Variants in YAE1 observed in about 807,000 individuals in gnomAD.
YAE1 encodes YAE1 maturation factor of ABCE1.
YAE1 carries 22 observed loss-of-function variants against 23.0 expected under a neutral mutation model. The ratio of observed to expected loss-of-function variants is 0.96; its 90% CI spans 0.68 to 1.37. The LOEUF (loss-of-function observed/expected upper bound fraction) is 1.37, where lower values mean the gene tolerates loss of function less well. Ranked by LOEUF, YAE1 falls within the 40% of genes most tolerant of loss-of-function variation. The pLI is 0.00. For missense variants in YAE1, 260 were observed against 262.1 expected, an observed-to-expected ratio of 0.99 and a Z score of 0.06; for synonymous variants, 101 against 97.0, an observed-to-expected ratio of 1.04 and a Z score of -0.24.
chr7:39,599,881 G>T (rs181726658), intron 2 of YAE1, among the ~76,000 whole-genome samples: 3 of 152,120 alleles, frequency 2.0e-5, no homozygotes, highest in African/African-American at 4.8e-5. Context: ...CAGCCACCGT[G>T]CCCGGCCTGA....
At chr7:39,609,939 C>T (rs1346566008) in exon 3 of YAE1, 2 of 1,523,058 alleles carry the variant, frequency 1.3e-6, no homozygotes, top group African/African-American at 1.4e-5. Flanking sequence ...CTCCGAAACA[C>T]ATTTTTCAAC....
downstream of YAE1, among the ~76,000 whole-genome samples, chr7:39,611,734 G>T (rs1379306241): frequency 6.6e-6 from 1 of 152,052 alleles, no homozygotes; most frequent in Non-Finnish European, 1.5e-5. Flanking sequence ...ACCATGATTT[G>T]TTCAGGACCA....
chr7:39,575,559 AGAGAGAGAGAGAGAGAGAGTGAGT>A (rs997464251), downstream of YAE1, among the ~76,000 whole-genome samples: 9 of 112,334 alleles, frequency 8.0e-5, no homozygotes, highest in African/African-American at 1.9e-4. Flanking sequence ...AGAGAGAGAG[AGAGAGAGAGAGAGAGAGAGTGAGT>A]GTGTGTGTGT....
intron 2 of YAE1, among the ~76,000 whole-genome samples, chr7:39,595,033 TTAGAGA>T (rs1429834127): frequency 6.6e-6 from 1 of 152,188 alleles, no homozygotes; most frequent in Non-Finnish European, 1.5e-5. Context: ...TTTTAATCTT[TTAGAGA>T]TAAACTTTTT....
intron 2 of YAE1, among the ~76,000 whole-genome samples, chr7:39,582,245 C>T (rs1790754203): frequency 2.0e-5 from 3 of 151,604 alleles, no homozygotes; most frequent in African/African-American, 7.3e-5. Flanking sequence ...GTTGCCTGGG[C>T]TAGTCTAGAA....
chr7:39,596,247 C>T (rs1292800213), intron 2 of YAE1, among the ~76,000 whole-genome samples: 4 of 151,938 alleles, frequency 2.6e-5, no homozygotes, highest in South Asian at 2.1e-4. Context: ...CAGGCTGGGG[C>T]GCAATGGCGT....
chr7:39,586,303 G>T (rs1037796405), intron 2 of YAE1, among the ~76,000 whole-genome samples: 2 of 150,872 alleles, frequency 1.3e-5, no homozygotes, highest in African/African-American at 4.9e-5. Context: ...CTCCCGAGTA[G>T]CTGGGACTAC....
chr7:39,574,733 C>CA (rs574580885), downstream of YAE1, among the ~76,000 whole-genome samples: 11,975 of 77,578 alleles, frequency 0.15, 807 homozygotes, highest in East Asian at 0.31. Context: ...ACTCTGTCTC[C>CA]AAAAAAAAAA....
At chr7:39,600,941 C>T (rs1791046618) in intron 2 of YAE1, among the ~76,000 whole-genome samples, 1 of 152,192 alleles carries the variant, frequency 6.6e-6, no homozygotes, top group Admixed American at 6.5e-5. Context: ...CAAACTATTT[C>T]TGTCGTTTAA....
At chr7:39,609,372 T>G (rs1272353311) in intron 2 of YAE1, among the ~76,000 whole-genome samples, 3 of 152,254 alleles carry the variant, frequency 2.0e-5, no homozygotes, top group African/African-American at 7.2e-5. Context: ...ACTTCTCTAT[T>G]AAGCTGTGCA....
downstream of YAE1, among the ~76,000 whole-genome samples, chr7:39,610,916 C>T (rs1284118628): frequency 1.3e-5 from 2 of 152,008 alleles, no homozygotes; most frequent in Non-Finnish European, 2.9e-5. Flanking sequence ...GGGAGGAGGC[C>T]GAGCTGGGCG....
rs1583665566 is a variant in YAE1, at chr7:39,566,438, C to T, written c.20C>T (p.Ala7Val). The T allele has an allele frequency of 2.5e-6, 4 of 1,614,182 alleles. No homozygotes were observed. In the East Asian group the frequency reaches 8.9e-5, roughly 36 times the overall value. The change falls in exon 1 of 3, where the codon GCC (alanine) becomes GTC (valine). Residue 7 changes from alanine (A) to valine (V), a missense_variant. Ala to Val is a moderately conservative substitution (Grantham distance 64). Transcript: ENST00000223273. MSWVQAASLIQGPGDKG... is the reference protein window; with the variant it reads MSWVQAVSLIQGPGDKG... ...TCGGTGATGTCGTGGGTTCAAGCAG[C>T]CTCCTTGATCCAGGGCCCTGGAGAC... is the stretch of plus-strand genomic sequence containing the variant.
chr7:39,598,713 G>C (rs183078151), intron 2 of YAE1, among the ~76,000 whole-genome samples: 11 of 151,006 alleles, frequency 7.3e-5, no homozygotes, highest in Admixed American at 4.0e-4. Context: ...GGAGGTCAAG[G>C]CTGCAGTGAG....
At chr7:39,607,420 G>A (rs1224942149) in intron 2 of YAE1, among the ~76,000 whole-genome samples, 1 of 152,040 alleles carries the variant, frequency 6.6e-6, no homozygotes, top group African/African-American at 2.4e-5. Context: ...AGAAACTGCA[G>A]CATGGGAAGG....
intron 2 of YAE1, among the ~76,000 whole-genome samples, chr7:39,604,715 T>A (rs1791104349): frequency 6.6e-6 from 1 of 152,130 alleles, no homozygotes; most frequent in East Asian, 1.9e-4. Flanking sequence ...TATATGAAAA[T>A]AAGAGAAACA....
chr7:39,574,146 G>A (rs1296220236), downstream of YAE1, among the ~76,000 whole-genome samples: 2 of 152,142 alleles, frequency 1.3e-5, no homozygotes, highest in African/African-American at 4.8e-5. Flanking sequence ...TTTTATCTAG[G>A]CTTTTCCTGA....
At chr7:39,586,939 A>G (rs1286583709) in intron 2 of YAE1, among the ~76,000 whole-genome samples, 1 of 152,246 alleles carries the variant, frequency 6.6e-6, no homozygotes, top group Non-Finnish European at 1.5e-5. Context: ...AGTGAAATAC[A>G]AAGGGGTTTC....
rs934674889 is a variant in YAE1 at position 39,599,706 on chromosome 7, TTTTA to T, written c.252-9903_252-9900del. Among the ~76,000 whole-genome samples the T allele has an allele frequency of 2.2e-3, 334 of 151,738 alleles. 2 individuals are homozygous for T. The highest frequency in any genetic ancestry group is 7.3e-3 in the African/African-American group (301 of 41,486). On this transcript the variant is annotated intron_variant, in intron 2 of 2. Transcript: ENST00000432096. Reference sequence around the variant, plus strand: ...TTTTTATTTATTTATTTTTTATTGTTTTTATTTATTTTATTTATTTTGTATTTAT... The same window carrying T: ...TTTTTATTTATTTATTTTTTATTGTTTTTATTTTATTTATTTTGTATTTAT...
At chr7:39,596,183 GT>G (rs1246827980) in intron 2 of YAE1, among the ~76,000 whole-genome samples, 2 of 150,988 alleles carry the variant, frequency 1.3e-5, no homozygotes, top group Non-Finnish European at 2.9e-5. Flanking sequence ...TTGGCAATCT[GT>G]AAGTCACTTA....
Sources: gnomAD v4.1 joint callset for allele counts (sites outside exome capture counted in the v4.1 genomes callset) on GRCh38, gnomAD v4.1.1 for gene constraint, MANE v1.5 for transcripts, NCBI Gene and HGNC (gene_info 2026-07-23, HGNC 2026-07-21) for gene names.